ORMDL3: variants seen among roughly 807,000 people sequenced by gnomAD.
ORMDL3 encodes ORMDL sphingolipid biosynthesis regulator 3, also known as ORM1-like protein 3.
In ORMDL3, 6 loss-of-function variants were observed where a neutral mutation model predicts 12.6. The observed-to-expected ratio is 0.48, with a 90% CI of 0.26 to 0.94. ORMDL3 has a LOEUF of 0.94. Among genes scored for constraint, ORMDL3 ranks in the 40% least tolerant of loss-of-function variants. The pLI, the probability that ORMDL3 is intolerant of heterozygous loss-of-function variation, is 0.14. For synonymous variants in ORMDL3, 99 were observed against 87.2 expected, an observed-to-expected ratio of 1.14 and a Z score of -0.75; for missense variants, 159 against 205.5, an observed-to-expected ratio of 0.77 and a Z score of 1.38.
intron 1 of ORMDL3, chr17:39,926,333 G>A (rs1171437013): frequency 6.6e-6 from 1 of 152,352 alleles, no homozygotes; most frequent in African/African-American, 2.4e-5. Context: ...GAAACCACCA[G>A]AGACCCCTGA....
rs1390025776 is a variant in ORMDL3, at chr17:39,924,169, G to T, written c.35C>A (p.Pro12His). The change falls in exon 2 of 4, where the codon CCC (proline) becomes CAC (histidine). Residue 12 changes from proline (P) to histidine (H), a missense_variant. By Grantham distance (77) the Pro-to-His change is moderately conservative (BLOSUM62 -2). Coordinates refer to ENST00000304046, the MANE Select transcript of ORMDL3 (RefSeq NM_139280.4). Reference protein sequence around the residue: ...NVGTAHSEVNPNTRVMNSRGI... With the variant: ...NVGTAHSEVNHNTRVMNSRGI... ...ACGGCTGTTCATCACCCGCGTGTTG[G>T]GGTTCACCTCGCTGTGCGCTGTGCC... 1 of 1,613,290 alleles carries T rather than the reference G, an allele frequency of 6.2e-7. No homozygotes were observed. The highest frequency in any genetic ancestry group is 1.1e-5 in the South Asian group (1 of 90,974).
rs775168399 is a variant in ORMDL3 at position 39,924,081 on chromosome 17, C to T, written c.123G>A (p.Pro41=). Residue 41 remains proline, a synonymous_variant, in exon 2 of 4, where the codon CCG becomes CCA. Transcript: ENST00000304046. Reference sequence around the variant, plus strand: ...TCCAGACGACAGGGACACTCACAAACGGGATGCTCAGCAGCACGATGTGGA... The same window carrying T: ...TCCAGACGACAGGGACACTCACAAATGGGATGCTCAGCAGCACGATGTGGA... ...GLLHIVLLSI[P]FVSVPVVWTL... is the part of the protein sequence containing the mutation. The T allele has an allele frequency of 2.2e-5, 35 of 1,613,598 alleles. No homozygotes were observed. Among genetic ancestry groups the T allele is most frequent in the East Asian group, 6.7e-5 (3 of 44,884 alleles).
In ORMDL3 at chr17:39,924,207, G is replaced by A. The variant is rs1284715313; in HGVS notation, c.-4C>T. On this transcript the variant is annotated 5_prime_UTR_variant, in exon 2 of 4. Transcript: ENST00000304046. Reference sequence around the variant, plus strand: ...TGTGCGCTGTGCCCACATTCATCCTGCTGCCCCTCTCTGCTGTTCTGCAAA... The same window carrying A: ...TGTGCGCTGTGCCCACATTCATCCTACTGCCCCTCTCTGCTGTTCTGCAAA... 6.3e-7 allele frequency: 1 copy of A among 1,599,622 alleles called. No homozygotes were observed. Among genetic ancestry groups the A allele is most frequent in the African/African-American group, 1.3e-5 (1 of 74,884 alleles).
At position 39,922,219 on chromosome 17, in the gene ORMDL3, C is replaced by A. The variant is rs1978300498; in HGVS notation, c.*331G>T. ...GGCAAACAAGTGAGCAGGGGTTTTTCCCCTGGCCTCCTGTCGCAACTGCGT... is the reference window on the plus strand; with the variant it reads ...GGCAAACAAGTGAGCAGGGGTTTTTACCCTGGCCTCCTGTCGCAACTGCGT... On this transcript the variant is annotated 3_prime_UTR_variant, in exon 4 of 4. Coordinates refer to ENST00000304046, the MANE Select transcript of ORMDL3 (RefSeq NM_139280.4). The A allele has an allele frequency of 4.8e-6, 1 of 209,558 alleles. No homozygotes were observed. Among genetic ancestry groups the A allele is most frequent in the Admixed American group, 5.5e-5 (1 of 18,040 alleles). The allele number at this position is 209,558 out of a possible 1,614,324, so 13.0% of individuals were successfully genotyped here.
intron 2 of ORMDL3, among the ~76,000 whole-genome samples, chr17:39,923,525 C>G (rs888700158): frequency 6.6e-6 from 1 of 151,838 alleles, no homozygotes. Context: ...GATGCTGCCC[C>G]CCTCCAGGCC....
chr17:39,927,504 CG>C lies in ORMDL3; in HGVS notation c.-44del. The C allele has an allele frequency of 3.0e-6, 3 of 985,408 alleles. No homozygotes were observed. Among genetic ancestry groups the C allele is most frequent in the Non-Finnish European group, 3.6e-6 (3 of 829,946 alleles). 61.0% of individuals were successfully genotyped at this position (985,408 alleles called of 1,614,324 possible). ...CTCACCGTGTGGGGCCGAAGATCAA[CG>C]GCCCGGGAACGGTTCCCGGGAGCGG... is the stretch of plus-strand genomic sequence containing the variant. On this transcript the variant is annotated 5_prime_UTR_variant, in exon 1 of 4. Coordinates refer to ENST00000304046, the MANE Select transcript of ORMDL3 (RefSeq NM_139280.4).
rs1978323231 is a variant in ORMDL3, at chr17:39,924,243, A to G, written c.-22-18T>C. On this transcript the variant is annotated intron_variant, in intron 1 of 3. Transcript: ENST00000304046. ...CTGCTGTTCTGCAAACAAGCAGCAC[A>G]GGTCAGACAGGTCACACTGCTTTCC... The G allele has an allele frequency of 1.3e-6, 2 of 1,552,564 alleles. No homozygotes were observed. Among genetic ancestry groups the G allele is most frequent in the Non-Finnish European group, 1.7e-6 (2 of 1,146,686 alleles).
intron 1 of ORMDL3, 94 bp downstream of exon 1, chr17:39,927,390 C>G: frequency 1.1e-6 from 1 of 942,516 alleles, no homozygotes; most frequent in Non-Finnish European, 1.3e-6. Flanking sequence ...CCTCTGCCCC[C>G]GTCTCTCCAG....
intron 1 of ORMDL3, chr17:39,925,996 C>G (rs1978393555): frequency 6.6e-6 from 1 of 151,696 alleles, no homozygotes; most frequent in African/African-American, 2.4e-5. Context: ...ATGTGGCTGA[C>G]AAGTGAGGGC....
intron 3 of ORMDL3, 105 bp downstream of exon 3, chr17:39,923,007 T>C (rs1978308369): frequency 1.4e-6 from 2 of 1,444,878 alleles, no homozygotes; most frequent in South Asian, 1.3e-5. Flanking sequence ...CCTCTGTTCA[T>C]CCCTACACCA....
intron 1 of ORMDL3, chr17:39,926,476 A>T (rs1256698726): frequency 1.3e-5 from 2 of 152,342 alleles, no homozygotes; most frequent in Non-Finnish European, 2.9e-5. Flanking sequence ...ATGGGGAGAA[A>T]CAGAGAGAAG....
chr17:39,926,627 G>A (rs1047938720), intron 1 of ORMDL3: 2 of 287,212 alleles, frequency 7.0e-6, no homozygotes, highest in African/African-American at 2.3e-5. Flanking sequence ...ACTCTGTTGT[G>A]TTAACCACTT....
At position 39,922,499 on chromosome 17, in the gene ORMDL3, T is replaced by C; in HGVS notation, c.*51A>G. The stretch of plus-strand genomic sequence containing the variant: ...TGTCTTCAGTGTTGCAGCACATGCC[T>C]TTTACCCTACCCCTCCCCTGCCACC... On this transcript the variant is annotated 3_prime_UTR_variant, in exon 4 of 4. Transcript: ENST00000304046. The C allele has an allele frequency of 6.3e-7, 1 of 1,581,812 alleles. No homozygotes were observed. The highest frequency in any genetic ancestry group is 1.8e-5 in the Admixed American group (1 of 55,254).
chr17:39,923,376 T>C, intron 2 of ORMDL3, 113 bp from the exon 3 acceptor site: 16 of 1,222,012 alleles, frequency 1.3e-5, no homozygotes, highest in Non-Finnish European at 1.8e-5. Flanking sequence ...CTCCCTCTGC[T>C]GGGCAGGGGG....
rs748410732 is a variant in ORMDL3, at chr17:39,924,127, T to C, written c.77A>G (p.Tyr26Cys). 3 of 1,614,118 alleles carry C rather than the reference T, an allele frequency of 1.9e-6. No individual in the cohort carries two copies. Among genetic ancestry groups the C allele is most frequent in the Non-Finnish European group, 2.5e-6 (3 of 1,179,980 alleles). The stretch of plus-strand genomic sequence containing the variant: ...GTGGAGGAGACCGATGGCCAGCACG[T>C]AGGAGAGCCAGATGCCACGGCTGTT... ...VMNSRGIWLS[Y>C]VLAIGLLHIV... The change falls in exon 2 of 4, where the codon TAC (tyrosine) becomes TGC (cysteine). Residue 26 changes from tyrosine to cysteine, a missense_variant. Tyr to Cys is a radical substitution (Grantham distance 194, BLOSUM62 -2). Coordinates refer to ENST00000304046, the MANE Select transcript of ORMDL3 (RefSeq NM_139280.4).
At chr17:39,922,827 C>T in intron 3 of ORMDL3, 142 bp from the exon 4 acceptor site, 1 of 1,188,258 alleles carries the variant, frequency 8.4e-7, no homozygotes, top group Non-Finnish European at 1.2e-6. Flanking sequence ...GAAGCAAGAG[C>T]TCTCAGGCTA....
intron 2 of ORMDL3, 45 bp downstream of exon 2, chr17:39,923,973 AAGGGCAGCCCAC>A (rs1978319442): frequency 6.7e-7 from 1 of 1,499,482 alleles, no homozygotes; most frequent in African/African-American, 1.4e-5. Context: ...AGCCCTGCCA[AAGGGCAGCCCAC>A]AGGGCAGGGG....
chr17:39,927,148 G>A, intron 1 of ORMDL3: 1 of 394,660 alleles, frequency 2.5e-6, no homozygotes, highest in Non-Finnish European at 3.4e-6. Context: ...CTGGGTCTTC[G>A]CACTCGGAAC....
Position 39,922,259 on chromosome 17 carries a change from C to T in ORMDL3, c.*291G>A. On this transcript the variant is annotated 3_prime_UTR_variant, in exon 4 of 4. Coordinates refer to ENST00000304046, the MANE Select transcript of ORMDL3 (RefSeq NM_139280.4). ...CGCAACTGCGTGGTCCATGTTCAGC[C>T]CAGGAGCCCAGCCCATTCCATGACC... 7.2e-6 allele frequency: 2 copies of T among 276,198 alleles called. No individual in the cohort carries two copies. The highest frequency in any genetic ancestry group is 1.4e-5 in the Non-Finnish European group (2 of 145,252). 17.1% of individuals were successfully genotyped at this position (276,198 alleles called of 1,614,324 possible). A position where few individuals can be genotyped will look rare whatever the true frequency, so the allele number is the denominator to read the frequency against.
Sources: allele counts gnomAD v4.1 joint callset (sites outside exome capture counted in the v4.1 genomes callset), GRCh38; gene constraint gnomAD v4.1.1; transcripts MANE v1.5; gene names NCBI Gene and HGNC (gene_info 2026-07-23, HGNC 2026-07-21).